Variants in GPC5 observed in about 807,000 individuals in gnomAD.
The protein encoded by GPC5 is glypican 5.
In GPC5, 47 loss-of-function variants were observed where a neutral mutation model predicts 53.9. The ratio of observed to expected loss-of-function variants is 0.87; its 90% CI spans 0.69 to 1.11. The LOEUF (loss-of-function observed/expected upper bound fraction) is 1.11, where lower values mean the gene tolerates loss of function less well. GPC5 is among the 50% of genes most tolerant of loss of function. The pLI is 0.00. For synonymous variants in GPC5, 286 were observed against 263.3 expected (o/e 1.09, Z -0.84); for missense variants, 748 against 713.1 (o/e 1.05, Z -0.56).
At chr13:91,819,811 A>G (rs763368857) in intron 5 of GPC5, among the ~76,000 whole-genome samples, 2 of 152,178 alleles carry the variant, frequency 1.3e-5, no homozygotes, top group Non-Finnish European at 2.9e-5. Flanking sequence ...CAGATTTACT[A>G]GATAATGTCA....
At chr13:92,074,432 T>C (rs1320946308) in intron 6 of GPC5, among the ~76,000 whole-genome samples, 1 of 152,166 alleles carries the variant, frequency 6.6e-6, no homozygotes, top group Non-Finnish European at 1.5e-5. Flanking sequence ...GTATTTGAAG[T>C]ACAAGAAACA....
chr13:91,513,165 C>A (rs958373715), intron 2 of GPC5, among the ~76,000 whole-genome samples: 2 of 152,096 alleles, frequency 1.3e-5, no homozygotes, highest in African/African-American at 4.8e-5. Flanking sequence ...TCATTAAACT[C>A]TTTATATTGT....
At chr13:92,110,051 G>A (rs1250551911) in intron 6 of GPC5, among the ~76,000 whole-genome samples, 3 of 152,240 alleles carry the variant, frequency 2.0e-5, no homozygotes, top group Middle Eastern at 3.4e-3. Context: ...TTAGGTGGCA[G>A]TATCCATATA....
chr13:92,180,368 A>G (rs1489921958), intron 7 of GPC5, among the ~76,000 whole-genome samples: 1 of 152,248 alleles, frequency 6.6e-6, no homozygotes, highest in African/African-American at 2.4e-5. Flanking sequence ...GAAAATTGGA[A>G]ATAAGATATC....
chr13:92,024,673 T>C (rs2040786339), intron 6 of GPC5, among the ~76,000 whole-genome samples: 1 of 152,168 alleles, frequency 6.6e-6, no homozygotes, highest in Non-Finnish European at 1.5e-5. Context: ...TAGATGTTTA[T>C]CTACTTAAGT....
At chr13:91,933,755 G>A (rs969141669) in intron 6 of GPC5, among the ~76,000 whole-genome samples, 1 of 151,856 alleles carries the variant, frequency 6.6e-6, no homozygotes, top group Non-Finnish European at 1.5e-5. Flanking sequence ...ATAGTGATTT[G>A]TAGTTAGAAG....
chr13:92,424,811 T>TATTCATTC (rs552617474), intron 7 of GPC5, among the ~76,000 whole-genome samples: 2,304 of 82,746 alleles, frequency 0.028, 52 homozygotes, highest in African/African-American at 0.12. Context: ...AATATTCATC[T>TATTCATTC]ATTCATTCAT....
At chr13:91,754,493 G>T (rs572893730) in intron 4 of GPC5, among the ~76,000 whole-genome samples, 2 of 151,998 alleles carry the variant, frequency 1.3e-5, no homozygotes, top group South Asian at 4.2e-4. Context: ...CTGAATTAGG[G>T]TCCATAAAAA....
intron 7 of GPC5, chr13:92,509,681 C>T (rs1880495384): frequency 6.6e-6 from 1 of 152,078 alleles, no homozygotes; most frequent in South Asian, 2.1e-4. Flanking sequence ...ACAGAAATAA[C>T]TGATTTCAAG....
chr13:92,106,255 GA>G (rs1566437551), intron 6 of GPC5, among the ~76,000 whole-genome samples: 1 of 151,868 alleles, frequency 6.6e-6, no homozygotes, highest in African/African-American at 2.4e-5. Flanking sequence ...ATCTAAAAAA[GA>G]TGGACCCCCA....
intron 7 of GPC5, among the ~76,000 whole-genome samples, chr13:92,174,058 T>A (rs1014136014): frequency 6.6e-6 from 1 of 151,938 alleles, no homozygotes; most frequent in Non-Finnish European, 1.5e-5. Flanking sequence ...TGAGCCAAGG[T>A]GAAACCACTG....
At chr13:91,994,594 T>C (rs2040487133) in intron 6 of GPC5, 1 of 152,220 alleles carries the variant, frequency 6.6e-6, no homozygotes, top group Non-Finnish European at 1.5e-5. Context: ...CATTGTCTTA[T>C]CTATTCCAAA....
At chr13:92,471,631 CAT>C (rs1242533313) in intron 7 of GPC5, among the ~76,000 whole-genome samples, 1 of 152,020 alleles carries the variant, frequency 6.6e-6, no homozygotes, top group African/African-American at 2.4e-5. Flanking sequence ...TACACATATA[CAT>C]ATATATAGAG....
chr13:92,558,756 T>C (rs560309893), intron 7 of GPC5, among the ~76,000 whole-genome samples: 16 of 152,016 alleles, frequency 1.1e-4, no homozygotes, highest in Admixed American at 1.0e-3. Context: ...TAGAACAACA[T>C]TACTATTTAG....
At chr13:92,478,328 T>C (rs1269861682) in intron 7 of GPC5, among the ~76,000 whole-genome samples, 1 of 152,182 alleles carries the variant, frequency 6.6e-6, no homozygotes, top group Admixed American at 6.6e-5. Context: ...TAAAGACAGT[T>C]CAGTTGAAGA....
intron 7 of GPC5, among the ~76,000 whole-genome samples, chr13:92,655,297 T>TTTTA (rs374530742): frequency 0.46 from 67,419 of 145,882 alleles, 16,284 homozygotes; most frequent in Non-Finnish European, 0.54. Flanking sequence ...AGTTGATTGC[T>TTTTA]TTTATTTATT....
intron 7 of GPC5, among the ~76,000 whole-genome samples, chr13:92,518,609 C>A (rs1418530551): frequency 1.3e-5 from 2 of 152,144 alleles, no homozygotes; most frequent in Non-Finnish European, 2.9e-5. Flanking sequence ...GCCTGCCTTA[C>A]AAGAGGCTCC....
intron 7 of GPC5, among the ~76,000 whole-genome samples, chr13:92,619,518 T>C (rs1412850014): frequency 1.3e-5 from 2 of 152,004 alleles, no homozygotes; most frequent in African/African-American, 4.8e-5. Context: ...TCAAGTAACA[T>C]GCATTTTCTA....
At chr13:92,187,033 A>G (rs1334960723) in intron 7 of GPC5, among the ~76,000 whole-genome samples, 2 of 151,186 alleles carry the variant, frequency 1.3e-5, no homozygotes, top group Non-Finnish European at 2.9e-5. Context: ...GATCGCTTGA[A>G]CCCTGGAGGT....
Sources: gnomAD v4.1 joint callset for allele counts (sites outside exome capture counted in the v4.1 genomes callset) on GRCh38, gnomAD v4.1.1 for gene constraint, MANE v1.5 for transcripts, NCBI Gene and HGNC (gene_info 2026-07-23, HGNC 2026-07-21) for gene names.